The following CEP170 variants were observed in gnomAD, a reference collection of about 807,000 sequenced individuals.
The protein encoded by CEP170 is centrosomal protein of 170 kDa.
CEP170 carries 21 observed loss-of-function variants against 151.9 expected under a neutral mutation model. That is an observed-to-expected ratio of 0.14 (90% CI 0.10 to 0.20). The LOEUF is 0.20. CEP170 is among the 10% of genes least tolerant of loss of function. The pLI, the probability that CEP170 is intolerant of heterozygous loss-of-function variation, is 1.00. For missense variants in CEP170, 964 were observed against 1,892.9 expected, an observed-to-expected ratio of 0.51 and a Z score of 9.11; for synonymous variants, 356 against 648.8, an observed-to-expected ratio of 0.55 and a Z score of 6.86.
rs200859084 is a variant in CEP170, at chr1:243,150,815, G to C, written c.3911+5406C>G. Among the ~76,000 whole-genome samples the C allele has an allele frequency of 3.3e-5, 5 of 152,304 alleles. No individual in the cohort carries two copies. The East Asian group carries it at 9.6e-4, about 29-fold the overall frequency. ...ATATGTCAAGCACTAGGTTAAGTAT[G>C]TGCATCAACTTGTCGACTCTCTCAG... On this transcript the variant is annotated intron_variant, in intron 14 of 19. Transcript: ENST00000366542.
intron 7 of CEP170, among the ~76,000 whole-genome samples, chr1:243,196,894 T>C (rs2148810202): frequency 6.6e-6 from 1 of 152,268 alleles, no homozygotes; most frequent in South Asian, 2.1e-4. Flanking sequence ...TGTGTATTTA[T>C]GTCTGTGGGA....
At chr1:243,142,150 T>A in intron 15 of CEP170, 166 bp downstream of exon 15, 1 of 1,405,126 alleles carries the variant, frequency 7.1e-7, no homozygotes, top group Non-Finnish European at 9.5e-7. Flanking sequence ...TTCACTAGTT[T>A]TGTTACAAAA....
chr1:243,224,234 T>C (rs911596520), intron 2 of CEP170, among the ~76,000 whole-genome samples: 1 of 152,214 alleles, frequency 6.6e-6, no homozygotes. Context: ...CTGATACTAA[T>C]GGGAAAACCT....
At chr1:243,223,150 C>T (rs926202266) in intron 2 of CEP170, among the ~76,000 whole-genome samples, 7 of 152,084 alleles carry the variant, frequency 4.6e-5, no homozygotes. Context: ...GATAAAACCT[C>T]CAAATGTTGT....
intron 1 of CEP170, among the ~76,000 whole-genome samples, chr1:243,237,142 C>T (rs2064327550): frequency 6.6e-6 from 1 of 152,186 alleles, no homozygotes; most frequent in South Asian, 2.1e-4. Context: ...CACTAACACA[C>T]TTTACTGTAT....
intron 17 of CEP170, among the ~76,000 whole-genome samples, chr1:243,134,243 G>A (rs1346165991): frequency 1.3e-5 from 2 of 152,084 alleles, no homozygotes; most frequent in South Asian, 4.1e-4. Flanking sequence ...CATGAGAACA[G>A]GGGTCTTTGT....
intron 1 of CEP170, among the ~76,000 whole-genome samples, chr1:243,239,783 A>G (rs1278045469): frequency 6.6e-6 from 1 of 152,172 alleles, no homozygotes; most frequent in Non-Finnish European, 1.5e-5. Context: ...TCTTTGTACA[A>G]AATATATTCA....
rs574525829 is a variant in CEP170, at chr1:243,216,296, C to T, written c.196-4332G>A. Among the ~76,000 whole-genome samples the T allele has an allele frequency of 2.2e-4, 34 of 152,100 alleles. No homozygotes were observed. The East Asian group carries it at 3.7e-3, about 16-fold the overall frequency. ...ATACATGTGCCATGCTGGTGTGCTG[C>T]ACCCATTAACTCGTCATTTAGCATT... On this transcript the variant is annotated intron_variant, in intron 3 of 19. Coordinates refer to ENST00000366542, the MANE Select transcript of CEP170 (RefSeq NM_014812.3).
At chr1:243,244,944 A>G (rs924754056) in intron 1 of CEP170, among the ~76,000 whole-genome samples, 4 of 152,218 alleles carry the variant, frequency 2.6e-5, no homozygotes, top group African/African-American at 9.6e-5. Context: ...GGAAAAGGAA[A>G]TAAGAAATTT....
At chr1:243,186,585 G>C in intron 8 of CEP170, 163 bp from the exon 9 acceptor site, 1 of 613,362 alleles carries the variant, frequency 1.6e-6, no homozygotes, top group Non-Finnish European at 2.7e-6. Flanking sequence ...CAATTGCAAT[G>C]GTTACATTCA....
intron 4 of CEP170, 97 bp from the exon 5 acceptor site, chr1:243,200,932 G>C: frequency 7.5e-7 from 1 of 1,333,736 alleles, no homozygotes; most frequent in East Asian, 2.5e-5. Flanking sequence ...ATTTCAACAG[G>C]TAACTACAGC....
intron 1 of CEP170, among the ~76,000 whole-genome samples, chr1:243,242,880 A>G (rs1183707408): frequency 1.3e-5 from 2 of 151,984 alleles, no homozygotes; most frequent in Non-Finnish European, 2.9e-5. Flanking sequence ...TTGTATTTTT[A>G]GTAGAGACGG....
chr1:243,159,907 G>A (rs1217818185), intron 13 of CEP170, among the ~76,000 whole-genome samples: 2 of 151,916 alleles, frequency 1.3e-5, no homozygotes, highest in Non-Finnish European at 2.9e-5. Flanking sequence ...TCCTGCCTCA[G>A]CCTCCAGAGT....
intron 1 of CEP170, among the ~76,000 whole-genome samples, chr1:243,248,260 A>C (rs1469039328): frequency 1.3e-5 from 2 of 152,232 alleles, no homozygotes; most frequent in Non-Finnish European, 2.9e-5. Context: ...ATCACTCCTT[A>C]TCTCTAAAAA....
In CEP170 at chr1:243,145,399, C is replaced by T. The variant is rs1454278431; in HGVS notation, c.3912-2936G>A. On this transcript the variant is annotated intron_variant, in intron 14 of 19. Coordinates refer to ENST00000366542, the MANE Select transcript of CEP170 (RefSeq NM_014812.3). ...AAGTGATTCTCCTGCCTCAGACTAC[C>T]GAGTAGCCAGGATTACAGGCGTGCA... is the stretch of plus-strand genomic sequence containing the variant. 1.1e-4 allele frequency among the ~76,000 whole-genome samples: 17 copies of T among 152,252 alleles called. No individual in the cohort carries two copies. In the East Asian group the frequency reaches 3.1e-3, roughly 28 times the overall value.
chr1:243,226,015 A>T (rs1475797394), intron 1 of CEP170, among the ~76,000 whole-genome samples: 1 of 144,730 alleles, frequency 6.9e-6, no homozygotes, highest in East Asian at 2.0e-4. Context: ...ATCTAGATAT[A>T]TATACACACG....
intron 1 of CEP170, among the ~76,000 whole-genome samples, chr1:243,234,932 T>C (rs2064120083): frequency 6.6e-6 from 1 of 152,198 alleles, no homozygotes; most frequent in African/African-American, 2.4e-5. Flanking sequence ...ATTTCACATA[T>C]AGGTGTGTAT....
intron 4 of CEP170, among the ~76,000 whole-genome samples, chr1:243,203,625 T>C (rs966354235): frequency 9.2e-5 from 14 of 152,156 alleles, no homozygotes; most frequent in Non-Finnish European, 1.0e-4. Context: ...AATAAAATTA[T>C]TTCATACAAG....
At position 243,168,068 on chromosome 1, in the gene CEP170, T is replaced by A. The variant is rs138556799; in HGVS notation, c.1843+1560A>T. ...TCACAGATAATACTTAATAATTTTATAACGGATTCTTTGGTAAAGTTATCT... is the reference window on the plus strand; with the variant it reads ...TCACAGATAATACTTAATAATTTTAAAACGGATTCTTTGGTAAAGTTATCT... On this transcript the variant is annotated intron_variant, in intron 12 of 19. Transcript: ENST00000366542. Among the ~76,000 whole-genome samples the A allele has an allele frequency of 7.7e-3, 1,179 of 152,154 alleles. 15 individuals carry two copies. The highest frequency in any genetic ancestry group is 0.026 in the African/African-American group (1,092 of 41,570).
Sources: allele counts gnomAD v4.1 joint callset (sites outside exome capture counted in the v4.1 genomes callset), GRCh38; gene constraint gnomAD v4.1.1; transcripts MANE v1.5; gene names NCBI Gene and HGNC (gene_info 2026-07-23, HGNC 2026-07-21).